The following PACRG variants were observed in gnomAD, a reference collection of about 807,000 sequenced individuals.
PACRG encodes the protein parkin coregulated gene protein.
Under a neutral mutation model 29.7 loss-of-function variants are expected in PACRG, and 29 were observed. The ratio of observed to expected loss-of-function variants is 0.98; its 90% confidence interval spans 0.73 to 1.33. The LOEUF is 1.33. Ranked by LOEUF, PACRG falls within the 40% of genes most tolerant of loss-of-function variation. PACRG has a pLI of 0.00. For missense variants in PACRG, 279 were observed against 316.2 expected, an observed-to-expected ratio of 0.88 and a Z score of 0.89; for synonymous variants, 116 against 118.7, an observed-to-expected ratio of 0.98 and a Z score of 0.15.
At chr6:163,047,448 G>A (rs1809512652) in intron 2 of PACRG, among the ~76,000 whole-genome samples, 1 of 152,310 alleles carries the variant, frequency 6.6e-6, no homozygotes, top group East Asian at 1.9e-4. Flanking sequence ...GAGTGGGAAT[G>A]TTAGAAGCTA....
chr6:163,150,025 C>T (rs1778013367), intron 4 of PACRG, among the ~76,000 whole-genome samples: 2 of 152,212 alleles, frequency 1.3e-5, no homozygotes, highest in African/African-American at 2.4e-5. Context: ...TTAGTTCAAT[C>T]CTTCTTTCGA....
chr6:163,241,903 A>G (rs1469749225), intron 4 of PACRG, among the ~76,000 whole-genome samples: 1 of 152,166 alleles, frequency 6.6e-6, no homozygotes, highest in East Asian at 1.9e-4. Context: ...CCTGACATTC[A>G]TACCCATTTG....
At chr6:163,032,135 G>A (rs576402321) in intron 2 of PACRG, among the ~76,000 whole-genome samples, 7 of 152,302 alleles carry the variant, frequency 4.6e-5, no homozygotes, top group African/African-American at 1.7e-4. Context: ...TCCAGATTTT[G>A]TTTACAGGAG....
intron 1 of PACRG, among the ~76,000 whole-genome samples, chr6:162,794,597 A>G (rs947558724): frequency 6.6e-6 from 1 of 152,160 alleles, no homozygotes; most frequent in Non-Finnish European, 1.5e-5. Context: ...TCTTTTAATC[A>G]CACAGAATTG....
At chr6:162,975,035 T>C (rs954004629) in intron 2 of PACRG, among the ~76,000 whole-genome samples, 5 of 152,194 alleles carry the variant, frequency 3.3e-5, no homozygotes, top group East Asian at 1.9e-4. Flanking sequence ...CTGAGAACTT[T>C]ATGGAAAATA....
intron 2 of PACRG, among the ~76,000 whole-genome samples, chr6:162,934,758 A>G (rs1024623026): frequency 2.0e-5 from 3 of 152,142 alleles, no homozygotes; most frequent in Non-Finnish European, 4.4e-5. Context: ...GTGGCAGAAT[A>G]TGAAACTCTG....
chr6:162,958,884 T>TATATATAGAG (rs1562779944), intron 2 of PACRG, among the ~76,000 whole-genome samples: 3 of 21,164 alleles, frequency 1.4e-4, no homozygotes, highest in Non-Finnish European at 1.9e-4. Context: ...TATATATATA[T>TATATATAGAG]AGAGAGAGAG....
chr6:162,990,015 T>G (rs1294476413), intron 2 of PACRG, among the ~76,000 whole-genome samples: 1 of 150,512 alleles, frequency 6.6e-6, no homozygotes, highest in Admixed American at 6.6e-5. Context: ...TGCGATAGTT[T>G]ACTGAGAATG....
In PACRG at chr6:163,315,325, G is replaced by C. The variant is rs557675790; in HGVS notation, c.*338G>C. 6.9e-4 allele frequency: 128 copies of C among 184,312 alleles called. No individual in the cohort carries two copies. The highest frequency in any genetic ancestry group is 2.8e-3 in the African/African-American group (121 of 42,462). 11.4% of individuals were successfully genotyped at this position (184,312 alleles called of 1,614,324 possible). On this transcript the variant is annotated 3_prime_UTR_variant, in exon 5 of 5. Coordinates refer to ENST00000366888, the MANE Select transcript of PACRG (RefSeq NM_001080379.2). ...TTTCATATGCAATTCAGCAATTGCT[G>C]TTCTGTGTGTGCCTGCCCTGGGGGT...
intron 4 of PACRG, among the ~76,000 whole-genome samples, chr6:163,105,135 A>G (rs1395345115): frequency 6.6e-6 from 1 of 152,204 alleles, no homozygotes; most frequent in Non-Finnish European, 1.5e-5. Flanking sequence ...ATTAAAAAAA[A>G]ATAATTCATT....
intron 2 of PACRG, among the ~76,000 whole-genome samples, chr6:163,010,230 G>T (rs1164798838): frequency 6.6e-6 from 1 of 152,174 alleles, no homozygotes; most frequent in Admixed American, 6.5e-5. Context: ...TTTAATTGTT[G>T]TTTTGCAGAG....
chr6:163,305,024 C>A (rs985466780), intron 4 of PACRG, among the ~76,000 whole-genome samples: 2 of 152,236 alleles, frequency 1.3e-5, no homozygotes, highest in African/African-American at 4.8e-5. Flanking sequence ...CCTGGCCCCA[C>A]CGTGTCCCAC....
intron 4 of PACRG, among the ~76,000 whole-genome samples, chr6:163,096,958 C>T (rs891351143): frequency 1.3e-5 from 2 of 152,214 alleles, no homozygotes; most frequent in Non-Finnish European, 2.9e-5. Flanking sequence ...CTAGATGCTA[C>T]TAATTCCTAA....
intron 1 of PACRG, among the ~76,000 whole-genome samples, chr6:162,794,334 AAT>A (rs757029545): frequency 6.6e-6 from 1 of 152,086 alleles, no homozygotes; most frequent in East Asian, 1.9e-4. Context: ...TTGGAGTACT[AAT>A]ATGTTTTGAA....
intron 2 of PACRG, among the ~76,000 whole-genome samples, chr6:162,994,921 T>C (rs2128189419): frequency 6.8e-6 from 1 of 148,122 alleles, no homozygotes; most frequent in East Asian, 2.0e-4. Context: ...GGGTTTTCGG[T>C]GTGGATGTCC....
intron 2 of PACRG, among the ~76,000 whole-genome samples, chr6:162,875,108 C>T (rs908515143): frequency 6.6e-6 from 1 of 152,160 alleles, no homozygotes; most frequent in African/African-American, 2.4e-5. Flanking sequence ...CACATTTGCA[C>T]ACTCACACAT....
At chr6:163,018,250 C>A (rs1806286737) in intron 2 of PACRG, among the ~76,000 whole-genome samples, 1 of 152,180 alleles carries the variant, frequency 6.6e-6, no homozygotes, top group South Asian at 2.1e-4. Flanking sequence ...ACTACTGTAG[C>A]TACACTACCA....
At chr6:163,118,132 T>C (rs1278004048) in intron 4 of PACRG, among the ~76,000 whole-genome samples, 2 of 152,228 alleles carry the variant, frequency 1.3e-5, no homozygotes, top group Admixed American at 6.5e-5. Context: ...AATTATTTCC[T>C]CAGAGCACAC....
chr6:163,250,893 A>ATG (rs994662814), intron 4 of PACRG, among the ~76,000 whole-genome samples: 3 of 150,130 alleles, frequency 2.0e-5, no homozygotes, highest in Admixed American at 1.3e-4. Context: ...GTATATATAT[A>ATG]TATATATATA....
Sources: allele counts gnomAD v4.1 joint callset (sites outside exome capture counted in the v4.1 genomes callset), GRCh38; gene constraint gnomAD v4.1.1; transcripts MANE v1.5; gene names NCBI Gene and HGNC (gene_info 2026-07-23, HGNC 2026-07-21).